The following PPM1D variants were observed in gnomAD, a reference collection of about 807,000 sequenced individuals.
PPM1D encodes the protein protein phosphatase 1D.
In PPM1D, 52 loss-of-function variants were observed where a neutral mutation model predicts 58.3. The observed-to-expected ratio is 0.89, with a 90% CI of 0.71 to 1.12. The LOEUF (loss-of-function observed/expected upper bound fraction) is 1.12. Among genes scored for constraint, PPM1D ranks in the 50% most tolerant of loss-of-function variants. The pLI is 0.00. For missense variants in PPM1D, 564 were observed against 777.2 expected, an observed-to-expected ratio of 0.73 and a Z score of 3.26; for synonymous variants, 278 against 285.1, an observed-to-expected ratio of 0.98 and a Z score of 0.25.
At chr17:60,632,586 G>A (rs1199497768) in intron 2 of PPM1D, among the ~76,000 whole-genome samples, 1 of 151,994 alleles carries the variant, frequency 6.6e-6, no homozygotes, top group East Asian at 2.0e-4. Context: ...CAGGCTGGGC[G>A]CTGTGGCTCA....
intron 3 of PPM1D, among the ~76,000 whole-genome samples, chr17:60,647,422 G>A (rs977834635): frequency 1.3e-5 from 2 of 151,984 alleles, no homozygotes; most frequent in African/African-American, 2.4e-5. Context: ...TATTGGGTTT[G>A]TATTTAACAA....
intron 1 of PPM1D, among the ~76,000 whole-genome samples, chr17:60,618,869 C>T (rs559547904): frequency 1.3e-5 from 2 of 152,224 alleles, no homozygotes. Context: ...TTAACACATC[C>T]ATCACCTCAC....
chr17:60,643,164 G>A (rs547956165), intron 3 of PPM1D, among the ~76,000 whole-genome samples: 1 of 152,178 alleles, frequency 6.6e-6, no homozygotes, highest in South Asian at 2.1e-4. Flanking sequence ...TGGATCGCTT[G>A]AGCTCAGGAG....
chr17:60,600,581 C>G lies in PPM1D; in HGVS notation c.167C>G (p.Ala56Gly), dbSNP rs748834097. The G allele has an allele frequency of 6.4e-6, 10 of 1,553,448 alleles. No homozygotes were observed. In the East Asian group the frequency reaches 1.9e-4, roughly 30 times the overall value. Residue 56 changes from alanine to glycine, a missense_variant, in exon 1 of 6, where the codon GCC becomes GGC. By Grantham distance (60) the Ala-to-Gly change is moderately conservative. Coordinates refer to ENST00000305921, the MANE Select transcript of PPM1D (RefSeq NM_003620.4). The stretch of plus-strand genomic sequence containing the variant: ...CCGTTGCCTCCGCGGCCGTCGCCGG[C>G]CGCCCTTCCCGGCGGCGAAGTCTCG... ...SQPLPPRPSPAALPGGEVSGK... is the reference protein window; with the variant it reads ...SQPLPPRPSPGALPGGEVSGK...
rs1229193354 is a variant in PPM1D, at chr17:60,645,449, AATAT to A, written c.827-2438_827-2435del. Among the ~76,000 whole-genome samples the A allele has an allele frequency of 2.8e-5, 3 of 108,104 alleles. No individual in the cohort carries two copies. In the Admixed American group the frequency reaches 3.4e-4, roughly 12 times the overall value. The allele number at this position is 108,104 out of a possible 152,430, so 70.9% of individuals were successfully genotyped here. On this transcript the variant is annotated intron_variant, in intron 3 of 5. Coordinates refer to ENST00000305921, the MANE Select transcript of PPM1D (RefSeq NM_003620.4). Reference sequence around the variant, plus strand: ...GGATGGTTTCACCAAAGCAATGTAAAATATATATGTGTGTGTGTGTGTGTGTGTG... The same window carrying A: ...GGATGGTTTCACCAAAGCAATGTAAAATATGTGTGTGTGTGTGTGTGTGTG...
intron 3 of PPM1D, among the ~76,000 whole-genome samples, chr17:60,646,425 A>G (rs1486647058): frequency 6.6e-6 from 1 of 152,220 alleles, no homozygotes; most frequent in Non-Finnish European, 1.5e-5. Context: ...GTTTAACAAA[A>G]AAACCAGACC....
chr17:60,641,206 T>G (rs1309809940), intron 3 of PPM1D, among the ~76,000 whole-genome samples: 1 of 152,214 alleles, frequency 6.6e-6, no homozygotes, highest in Non-Finnish European at 1.5e-5. Flanking sequence ...TAATTTATAT[T>G]CCCACCAACA....
At chr17:60,657,427 G>A (rs531285237) in intron 5 of PPM1D, among the ~76,000 whole-genome samples, 1 of 152,270 alleles carries the variant, frequency 6.6e-6, no homozygotes, top group South Asian at 2.1e-4. Context: ...ATACTTGGTT[G>A]TGTTTTCATC....
At chr17:60,624,523 A>G (rs912811791) in intron 2 of PPM1D, among the ~76,000 whole-genome samples, 1 of 152,204 alleles carries the variant, frequency 6.6e-6, no homozygotes, top group Non-Finnish European at 1.5e-5. Flanking sequence ...ACTGTGGCTC[A>G]CACCTGTAAT....
intron 1 of PPM1D, among the ~76,000 whole-genome samples, chr17:60,616,311 A>G (rs2030583837): frequency 6.6e-6 from 1 of 151,668 alleles, no homozygotes; most frequent in South Asian, 2.1e-4. Flanking sequence ...AAGGAAAACT[A>G]AAAAGAAAAG....
At chr17:60,625,025 C>T (rs2030778463) in intron 2 of PPM1D, among the ~76,000 whole-genome samples, 1 of 151,538 alleles carries the variant, frequency 6.6e-6, no homozygotes, top group Admixed American at 6.6e-5. Flanking sequence ...AACTGTAGTC[C>T]CAACTATTCG....
At chr17:60,635,140 G>A (rs2030999316) in intron 3 of PPM1D, among the ~76,000 whole-genome samples, 1 of 151,690 alleles carries the variant, frequency 6.6e-6, no homozygotes, top group African/African-American at 2.4e-5. Context: ...ACCCTGACTG[G>A]TGGACTTTTA....
At position 60,631,326 on chromosome 17, in the gene PPM1D, A is replaced by C. The variant is rs577467963; in HGVS notation, c.702-2527A>C. Among the ~76,000 whole-genome samples, 16 of 149,004 alleles carry C rather than the reference A, an allele frequency of 1.1e-4. No individual in the cohort carries two copies. The South Asian group carries it at 3.4e-3, about 32-fold the overall frequency. On this transcript the variant is annotated intron_variant, in intron 2 of 5. Transcript: ENST00000305921. ...CAGAACGACACCCTGTCTCAAAACC[A>C]AATGAAAACTAGTTCTCAAAAGGGA...
At chr17:60,651,225 C>CA (rs1037693357) in intron 4 of PPM1D, among the ~76,000 whole-genome samples, 3 of 152,050 alleles carry the variant, frequency 2.0e-5, no homozygotes, top group African/African-American at 7.2e-5. Context: ...GGTAAGGGCT[C>CA]AGTCAGCTGG....
chr17:60,645,133 C>T (rs1295760311), intron 3 of PPM1D, among the ~76,000 whole-genome samples: 1 of 152,118 alleles, frequency 6.6e-6, no homozygotes, highest in East Asian at 1.9e-4. Flanking sequence ...GTGTACAGAT[C>T]ACCTGAGGTC....
chr17:60,627,558 A>ATTACAGGTGCCT (rs1377952133), intron 2 of PPM1D, among the ~76,000 whole-genome samples: 1 of 151,652 alleles, frequency 6.6e-6, no homozygotes, highest in African/African-American at 2.4e-5. Flanking sequence ...AGTAGCTGGG[A>ATTACAGGTGCCT]TTACAGGTGC....
chr17:60,663,427 A>G lies in PPM1D; in HGVS notation c.1693A>G (p.Ser565Gly). 1 of 1,614,212 alleles carries G rather than the reference A, an allele frequency of 6.2e-7. No homozygotes were observed. ...LSRSSGAQPASLPTTSQRKNS... is the reference protein window; with the variant it reads ...LSRSSGAQPAGLPTTSQRKNS... ...TCGAAGTAGTGGTGCTCAGCCTGCA[A>G]GTCTCCCCACAACCTCACAGCGAAA... is the stretch of plus-strand genomic sequence containing the variant. Residue 565 changes from serine to glycine, a missense_variant, in exon 6 of 6, where the codon AGT (serine) becomes GGT (glycine). Coordinates refer to ENST00000305921, the MANE Select transcript of PPM1D (RefSeq NM_003620.4).
intron 3 of PPM1D, among the ~76,000 whole-genome samples, chr17:60,640,678 T>C (rs2031116291): frequency 6.6e-6 from 1 of 152,194 alleles, no homozygotes; most frequent in Non-Finnish European, 1.5e-5. Flanking sequence ...GTTTTTCATG[T>C]CTTCCTCCTT....
rs2031275920 is a variant in PPM1D, at chr17:60,647,848, G to A, written c.827-44G>A. ...TTAATCTGTTGCTGTTGTACTATTA[G>A]CTTCCAACTAATACTTCTTGCTTTT... On this transcript the variant is annotated intron_variant, in intron 3 of 5. Transcript: ENST00000305921. The A allele has an allele frequency of 2.6e-6, 4 of 1,526,794 alleles. No individual in the cohort carries two copies. In the South Asian group the frequency reaches 4.6e-5, roughly 17 times the overall value. The allele number at this position is 1,526,794 out of a possible 1,614,324, so 94.6% of individuals were successfully genotyped here.
Sources: gnomAD v4.1 joint callset for allele counts (sites outside exome capture counted in the v4.1 genomes callset) on GRCh38, gnomAD v4.1.1 for gene constraint, MANE v1.5 for transcripts, NCBI Gene and HGNC (gene_info 2026-07-23, HGNC 2026-07-21) for gene names.